Variants in FHIT observed in about 807,000 individuals in gnomAD.
FHIT encodes the protein fragile histidine triad diadenosine triphosphatase, also known as bis(5'-adenosyl)-triphosphatase.
In FHIT, 19 loss-of-function variants were observed where a neutral mutation model predicts 17.9. That is an observed-to-expected ratio of 1.06 (90% CI 0.74 to 1.56). The LOEUF is 1.56. Among genes scored for constraint, FHIT ranks in the 40% most tolerant of loss-of-function variants. FHIT has a pLI of 0.00. For synonymous variants in FHIT, 81 were observed against 69.7 expected (o/e 1.16, Z -0.81); for missense variants, 248 against 189.2 (o/e 1.31, Z -1.82).
chr3:60,212,819 A>T (rs1461153597), intron 5 of FHIT, among the ~76,000 whole-genome samples: 1 of 152,212 alleles, frequency 6.6e-6, no homozygotes, highest in Non-Finnish European at 1.5e-5. Flanking sequence ...AGACAAAGAA[A>T]AAGGACATGG....
intron 8 of FHIT, among the ~76,000 whole-genome samples, chr3:59,761,293 C>T (rs1288661349): frequency 6.6e-6 from 1 of 152,172 alleles, no homozygotes; most frequent in Non-Finnish European, 1.5e-5. Context: ...ATCTTCCTGT[C>T]TAGTCCCCAC....
chr3:60,973,608 C>T (rs62268663), intron 3 of FHIT, among the ~76,000 whole-genome samples: 26,031 of 152,068 alleles, frequency 0.17, 2,300 homozygotes, highest in Middle Eastern at 0.23. Context: ...TCTTAAGTTA[C>T]GCTCCTTGTT....
At position 60,564,479 on chromosome 3, in the gene FHIT, T is replaced by C. The variant is rs117768368; in HGVS notation, c.-17-27500A>G. On this transcript the variant is annotated intron_variant, in intron 4 of 9. Transcript: ENST00000492590. ...TATAACTGTCATGGACAGTGACTCCTCTGATGGATCTGGGCAAAGTAAATT... is the reference window on the plus strand; with the variant it reads ...TATAACTGTCATGGACAGTGACTCCCCTGATGGATCTGGGCAAAGTAAATT... Among the ~76,000 whole-genome samples, 45 of 152,276 alleles carry C rather than the reference T, an allele frequency of 3.0e-4. No individual in the cohort carries two copies. In the East Asian group the frequency reaches 8.5e-3, roughly 29 times the overall value.
chr3:60,564,811 C>T (rs2121859), intron 4 of FHIT, among the ~76,000 whole-genome samples: 127,718 of 152,164 alleles, frequency 0.84, 54,097 homozygotes, highest in African/African-American at 0.95. Flanking sequence ...TGAACATTGT[C>T]GAAATGACAA....
chr3:60,303,549 G>C (rs1261198818), intron 5 of FHIT, among the ~76,000 whole-genome samples: 1 of 152,174 alleles, frequency 6.6e-6, no homozygotes, highest in African/African-American at 2.4e-5. Flanking sequence ...AGTGCAGCTG[G>C]ACAGGGCCAC....
chr3:60,738,063 T>G (rs2042167914), intron 4 of FHIT, among the ~76,000 whole-genome samples: 1 of 152,140 alleles, frequency 6.6e-6, no homozygotes. Flanking sequence ...GCTGTGGGAC[T>G]CTGCATACTG....
chr3:59,838,619 G>A (rs954087752), intron 8 of FHIT, among the ~76,000 whole-genome samples: 15 of 152,188 alleles, frequency 9.9e-5, no homozygotes, highest in African/African-American at 2.7e-4. Context: ...TAGGTTTAGA[G>A]ACCTGGGCTC....
intron 7 of FHIT, among the ~76,000 whole-genome samples, chr3:59,947,938 T>C (rs924670049): frequency 6.6e-6 from 1 of 152,222 alleles, no homozygotes; most frequent in Non-Finnish European, 1.5e-5. Flanking sequence ...TTAACATTAA[T>C]GCCCTTGAGA....
intron 4 of FHIT, among the ~76,000 whole-genome samples, chr3:60,710,824 A>G (rs2041507372): frequency 6.6e-6 from 1 of 152,210 alleles, no homozygotes. Context: ...CTGCCTCTGT[A>G]GGCTCCACCT....
chr3:60,303,038 T>C (rs1237954829), intron 5 of FHIT, among the ~76,000 whole-genome samples: 1 of 152,118 alleles, frequency 6.6e-6, no homozygotes, highest in East Asian at 1.9e-4. Context: ...GGAATAAAGC[T>C]AGGAAGGATG....
chr3:60,206,809 A>C (rs1703214161), intron 5 of FHIT, among the ~76,000 whole-genome samples: 1 of 152,078 alleles, frequency 6.6e-6, no homozygotes, highest in Non-Finnish European at 1.5e-5. Flanking sequence ...CCCTTTAAAA[A>C]TCCCCACACC....
intron 5 of FHIT, among the ~76,000 whole-genome samples, chr3:60,097,299 T>A (rs1374294364): frequency 6.6e-6 from 1 of 152,254 alleles, no homozygotes; most frequent in South Asian, 2.1e-4. Flanking sequence ...GGGGGAGCTT[T>A]ACCCCTTGAC....
chr3:61,112,037 C>T (rs1200566843), intron 2 of FHIT, among the ~76,000 whole-genome samples: 1 of 152,098 alleles, frequency 6.6e-6, no homozygotes, highest in Non-Finnish European at 1.5e-5. Context: ...TTTTATAGAT[C>T]AGGAAACACA....
chr3:60,325,746 T>G (rs1487297096), intron 5 of FHIT, among the ~76,000 whole-genome samples: 1 of 152,194 alleles, frequency 6.6e-6, no homozygotes, highest in South Asian at 2.1e-4. Flanking sequence ...CACTTCAGAA[T>G]AAAATTCAGT....
At chr3:59,760,585 T>G (rs892840395) in intron 8 of FHIT, among the ~76,000 whole-genome samples, 2 of 151,260 alleles carry the variant, frequency 1.3e-5, no homozygotes, top group African/African-American at 4.9e-5. Context: ...ATCACTGGAA[T>G]TGATTAGACA....
chr3:60,903,053 G>T lies in FHIT; in HGVS notation c.-110-81042C>A, dbSNP rs563852629. On this transcript the variant is annotated intron_variant, in intron 3 of 9. Coordinates refer to ENST00000492590, the MANE Select transcript of FHIT (RefSeq NM_002012.4). ...TGTATTTCCTCATTTCCAAAATGCAGAGAATAATTCCTTACCCATTCTAAA... is the reference window on the plus strand; with the variant it reads ...TGTATTTCCTCATTTCCAAAATGCATAGAATAATTCCTTACCCATTCTAAA... Among the ~76,000 whole-genome samples, 13 of 152,224 alleles carry T rather than the reference G, an allele frequency of 8.5e-5. No individual in the cohort carries two copies. In the East Asian group the frequency reaches 2.5e-3, roughly 29 times the overall value.
chr3:60,557,458 C>G (rs371720059), intron 4 of FHIT, among the ~76,000 whole-genome samples: 1 of 151,950 alleles, frequency 6.6e-6, no homozygotes, highest in African/African-American at 2.4e-5. Flanking sequence ...AGTGCACAAT[C>G]ACTGCTACCC....
chr3:60,882,646 A>G (rs529365619), intron 3 of FHIT, among the ~76,000 whole-genome samples: 1 of 152,188 alleles, frequency 6.6e-6, no homozygotes, highest in African/African-American at 2.4e-5. Context: ...ATGCAGAAAA[A>G]GAAAAGAAAA....
intron 5 of FHIT, among the ~76,000 whole-genome samples, chr3:60,406,700 G>A (rs1417948571): frequency 1.3e-5 from 2 of 150,792 alleles, no homozygotes; most frequent in East Asian, 2.0e-4. Context: ...GGTGGGGTGG[G>A]GTATACACCT....
Sources: allele counts gnomAD v4.1 joint callset (sites outside exome capture counted in the v4.1 genomes callset), GRCh38; gene constraint gnomAD v4.1.1; transcripts MANE v1.5; gene names NCBI Gene and HGNC (gene_info 2026-07-23, HGNC 2026-07-21).